Variants in COQ5 observed in about 807,000 individuals in gnomAD.
The protein encoded by COQ5 is 2-methoxy-6-polyprenyl-1,4-benzoquinol methylase, mitochondrial.
Under a neutral mutation model 40.5 loss-of-function variants are expected in COQ5, and 27 were observed. The ratio of observed to expected loss-of-function variants is 0.67; its 90% confidence interval spans 0.49 to 0.92. COQ5 has a LOEUF of 0.92. Among genes scored for constraint, COQ5 ranks in the 40% least tolerant of loss-of-function variants. COQ5 has a pLI of 0.00. For missense variants in COQ5, 409 were observed against 406.4 expected (o/e 1.01, Z -0.06); for synonymous variants, 141 against 150.0 (o/e 0.94, Z 0.44).
intron 2 of COQ5, 25 bp from the exon 3 acceptor site, chr12:120,516,813 G>T: frequency 6.3e-7 from 1 of 1,588,100 alleles, no homozygotes; most frequent in South Asian, 1.1e-5. Flanking sequence ...CATGAGGAAA[G>T]ATGCAGACTA....
intron 3 of COQ5, among the ~76,000 whole-genome samples, chr12:120,510,994 G>A (rs895276897): frequency 7.2e-5 from 11 of 152,148 alleles, no homozygotes; most frequent in African/African-American, 2.7e-4. Context: ...CACCTGGCCA[G>A]GTGCGGTGGC....
At chr12:120,506,306 C>T (rs1868877205) in intron 4 of COQ5, among the ~76,000 whole-genome samples, 1 of 152,126 alleles carries the variant, frequency 6.6e-6, no homozygotes, top group African/African-American at 2.4e-5. Context: ...AAGTTGTCAG[C>T]TGACCTTCTA....
intron 1 of COQ5, among the ~76,000 whole-genome samples, chr12:120,525,162 C>T (rs1208920559): frequency 6.6e-6 from 1 of 151,914 alleles, no homozygotes; most frequent in African/African-American, 2.4e-5. Context: ...TACAGTGGCG[C>T]AATCTCGGCT....
chr12:120,525,850 G>C (rs1761245929), intron 1 of COQ5, among the ~76,000 whole-genome samples: 1 of 152,076 alleles, frequency 6.6e-6, no homozygotes, highest in Non-Finnish European at 1.5e-5. Context: ...GCATGAACCT[G>C]GGAGGCGGAG....
At chr12:120,517,333 C>T (rs1869422816) in intron 2 of COQ5, among the ~76,000 whole-genome samples, 1 of 151,462 alleles carries the variant, frequency 6.6e-6, no homozygotes, top group African/African-American at 2.4e-5. Flanking sequence ...GCCTGAGTGA[C>T]AAAAGCGAAA....
At chr12:120,506,684 T>C (rs1336327112) in intron 4 of COQ5, among the ~76,000 whole-genome samples, 1 of 152,088 alleles carries the variant, frequency 6.6e-6, no homozygotes, top group Non-Finnish European at 1.5e-5. Context: ...TTTATTATTC[T>C]GCCTCCCTAT....
At position 120,526,698 on chromosome 12, in the gene COQ5, A is replaced by ATTTTTTTTTTTTTTTTTTTTTTT. The variant is rs61584250; in HGVS notation, c.202+2219_202+2241dup. Among the ~76,000 whole-genome samples the ATTTTTTTTTTTTTTTTTTTTTTT allele has an allele frequency of 1.6e-4, 10 of 64,150 alleles. 3 individuals are homozygous for ATTTTTTTTTTTTTTTTTTTTTTT. The highest frequency in any genetic ancestry group is 4.5e-4 in the East Asian group (1 of 2,216). The allele number at this position is 64,150 out of a possible 152,430, so 42.1% of individuals were successfully genotyped here. A position where few individuals can be genotyped will look rare whatever the true frequency, so the allele number is the denominator to read the frequency against. ...AATAGTGCTCAAACTACTCTTGGCAATTTTTTTTTTTTTTTTTTTTTTTTT... is the reference window on the plus strand; with the variant it reads ...AATAGTGCTCAAACTACTCTTGGCAATTTTTTTTTTTTTTTTTTTTTTTTTTTTTTTTTTTTTTTTTTTTTTTT... On this transcript the variant is annotated intron_variant, in intron 1 of 6. Coordinates refer to ENST00000288532, the MANE Select transcript of COQ5 (RefSeq NM_032314.4).
In COQ5 at chr12:120,522,235, G is replaced by A. The variant is rs751183193; in HGVS notation, c.331C>T (p.Leu111Phe). The A allele has an allele frequency of 6.2e-7, 1 of 1,614,134 alleles. No individual in the cohort carries two copies. Reference sequence around the variant, plus strand: ...TTACCTGTGCCTCCAGCAACATCAAGCAGCTGGGTCCCAGGAAGCGGGTGC... The same window carrying A: ...TTACCTGTGCCTCCAGCAACATCAAACAGCTGGGTCCCAGGAAGCGGGTGC... ...KMHPLPGTQLLDVAGGTGDIA... is the reference protein window; with the variant it reads ...KMHPLPGTQLFDVAGGTGDIA... The change falls in exon 2 of 7, where the codon CTT (leucine) becomes TTT (phenylalanine). Residue 111 changes from leucine (L) to phenylalanine (F), a missense_variant. By Grantham distance (22) the Leu-to-Phe change is conservative. Transcript: ENST00000288532.
chr12:120,514,265 G>C (rs1342760166), intron 3 of COQ5, among the ~76,000 whole-genome samples: 1 of 152,058 alleles, frequency 6.6e-6, no homozygotes, highest in Non-Finnish European at 1.5e-5. Context: ...AGCTCCTTCT[G>C]GGGGTGGGAG....
chr12:120,511,067 G>A (rs751323863), intron 3 of COQ5, among the ~76,000 whole-genome samples: 5 of 151,610 alleles, frequency 3.3e-5, no homozygotes, highest in African/African-American at 7.3e-5. Flanking sequence ...TCAGGAGATC[G>A]AAACATGGTG....
chr12:120,503,452 C>A lies in COQ5; in HGVS notation c.*332G>T. 1 of 444,288 alleles carries A rather than the reference C, an allele frequency of 2.3e-6. No homozygotes were observed. The allele number at this position is 444,288 out of a possible 1,614,324, so 27.5% of individuals were successfully genotyped here. A position where few individuals can be genotyped will look rare whatever the true frequency, so the allele number is the denominator to read the frequency against. On this transcript the variant is annotated 3_prime_UTR_variant, in exon 7 of 7. Transcript: ENST00000288532. The stretch of plus-strand genomic sequence containing the variant: ...CTATCATCCCTCTAGAAGGCAGCAC[C>A]AGCAGAGAAGCTATAAATACACTCA...
At chr12:120,528,594 TGA>T (rs966090515) in intron 1 of COQ5, among the ~76,000 whole-genome samples, 1 of 152,114 alleles carries the variant, frequency 6.6e-6, no homozygotes, top group African/African-American at 2.4e-5. Context: ...GCGAATCACC[TGA>T]GGTCAGGAGT....
chr12:120,516,484 A>T, intron 3 of COQ5, 83 bp downstream of exon 3: 1 of 1,191,894 alleles, frequency 8.4e-7, no homozygotes, highest in Non-Finnish European at 1.3e-6. Flanking sequence ...CCAAAAGATA[A>T]AGCATTTCAA....
chr12:120,507,093 C>T (rs777209276), intron 4 of COQ5, among the ~76,000 whole-genome samples: 7 of 152,214 alleles, frequency 4.6e-5, no homozygotes, highest in Admixed American at 2.6e-4. Flanking sequence ...CTCGGCCTCC[C>T]GAAGTGCTGG....
rs114949335 is a variant in COQ5, at chr12:120,521,635, C to A, written c.352+579G>T. Among the ~76,000 whole-genome samples the A allele has an allele frequency of 2.0e-5, 3 of 148,840 alleles. No homozygotes were observed. The South Asian group carries it at 6.4e-4, about 32-fold the overall frequency. ...GGTTGCAGTGGAGCCGAGATTGCAC[C>A]GCTGCTGCACTGCAGTCTGGGAGAC... On this transcript the variant is annotated intron_variant, in intron 2 of 6. Coordinates refer to ENST00000288532, the MANE Select transcript of COQ5 (RefSeq NM_032314.4).
intron 3 of COQ5, 57 bp downstream of exon 3, chr12:120,516,510 A>C: frequency 7.4e-7 from 1 of 1,355,380 alleles, no homozygotes; most frequent in Admixed American, 1.7e-5. Flanking sequence ...TACATATTCC[A>C]CCTTATTCTA....
At chr12:120,513,791 A>G (rs1173450942) in intron 3 of COQ5, among the ~76,000 whole-genome samples, 1 of 152,050 alleles carries the variant, frequency 6.6e-6, no homozygotes, top group African/African-American at 2.4e-5. Flanking sequence ...AAGTGCTGGG[A>G]TTACAGGTAT....
chr12:120,524,030 A>C (rs1343463402), intron 1 of COQ5: 1 of 296,460 alleles, frequency 3.4e-6, no homozygotes, highest in East Asian at 1.3e-4. Context: ...TGAAAGATGC[A>C]TGATTAATGG....
At chr12:120,509,348 C>T (rs1041392752) in intron 4 of COQ5, among the ~76,000 whole-genome samples, 1 of 152,154 alleles carries the variant, frequency 6.6e-6, no homozygotes, top group Non-Finnish European at 1.5e-5. Flanking sequence ...AAAACCCCAT[C>T]TCTACAAAAA....
Sources: gnomAD v4.1 joint callset for allele counts (sites outside exome capture counted in the v4.1 genomes callset) on GRCh38, gnomAD v4.1.1 for gene constraint, MANE v1.5 for transcripts, NCBI Gene and HGNC (gene_info 2026-07-23, HGNC 2026-07-21) for gene names.